DDX4: variants seen among roughly 807,000 people sequenced by gnomAD.
DDX4 encodes the protein probable ATP-dependent RNA helicase DDX4.
Under a neutral mutation model 100.0 loss-of-function variants are expected in DDX4, and 25 were observed. The observed-to-expected ratio is 0.25, with a 90% CI of 0.18 to 0.35. DDX4 has a LOEUF of 0.35. Ranked by LOEUF, DDX4 falls within the 10% of genes least tolerant of loss-of-function variation. The pLI is 1.00. For synonymous variants in DDX4, 259 were observed against 275.7 expected (o/e 0.94, Z 0.60); for missense variants, 635 against 882.4 (o/e 0.72, Z 3.55).
chr5:55,790,108 A>G (rs1003835857), intron 15 of DDX4, among the ~76,000 whole-genome samples: 1 of 148,100 alleles, frequency 6.8e-6, no homozygotes, highest in Non-Finnish European at 1.5e-5. Context: ...AAGTATTGTA[A>G]TTAAAAAAAA....
intron 3 of DDX4, among the ~76,000 whole-genome samples, chr5:55,756,295 C>A (rs1759929686): frequency 6.6e-6 from 1 of 152,110 alleles, no homozygotes; most frequent in African/African-American, 2.4e-5. Flanking sequence ...ACTACTGCAT[C>A]AGAATGTGTG....
intron 7 of DDX4, among the ~76,000 whole-genome samples, chr5:55,774,188 C>T (rs985634646): frequency 5.3e-5 from 8 of 150,538 alleles, no homozygotes; most frequent in South Asian, 4.2e-4. Flanking sequence ...CTCGCTCTGT[C>T]ACCCAGACTC....
In DDX4 at chr5:55,786,551, A is replaced by C. The variant is rs781379194; in HGVS notation, c.898A>C (p.Asn300His). ...AGAAGCTAATCTCTGTCAGACACTG[A>C]ATAACAACATTGCTAAAGCTGGTTA... The part of the protein sequence containing the change: ...FEEANLCQTL[N>H]NNIAKAGYTK... Residue 300 changes from asparagine (N) to histidine (H), a missense_variant, in exon 14 of 22, where the codon AAT becomes CAT. Coordinates refer to ENST00000505374, the MANE Select transcript of DDX4 (RefSeq NM_024415.3). 44 of 1,613,336 alleles carry C rather than the reference A, an allele frequency of 2.7e-5. No homozygotes were observed. In the East Asian group the frequency reaches 9.8e-4, roughly 36 times the overall value.
intron 16 of DDX4, among the ~76,000 whole-genome samples, chr5:55,791,531 G>T (rs568320407): frequency 6.6e-6 from 1 of 152,236 alleles, no homozygotes; most frequent in Admixed American, 6.5e-5. Flanking sequence ...GATTGTTCCC[G>T]AGTGATTAGA....
intron 18 of DDX4, among the ~76,000 whole-genome samples, chr5:55,800,548 T>G (rs539214213): frequency 2.6e-5 from 4 of 152,216 alleles, no homozygotes; most frequent in African/African-American, 9.6e-5. Flanking sequence ...ATGGTCTTGA[T>G]CTCCTGACCT....
chr5:55,782,376 A>G (rs576842883), intron 10 of DDX4: 4 of 177,012 alleles, frequency 2.3e-5, no homozygotes, highest in Admixed American at 5.6e-5. Flanking sequence ...AGGCCTAGGC[A>G]GGCAGATCAG....
rs762159528 is a variant in DDX4 at position 55,815,353 on chromosome 5, T to G, written c.2027T>G (p.Phe676Cys). 6.2e-7 allele frequency: 1 copy of G among 1,613,692 alleles called. No homozygotes were observed. The highest frequency in any genetic ancestry group is 2.2e-5 in the East Asian group (1 of 44,870). The change falls in exon 21 of 22, where the codon TTT becomes TGT. Residue 676 changes from phenylalanine to cysteine, a missense_variant. Phe to Cys is a radical substitution (Grantham distance 205). Around this residue, in one of 4 missense-constraint regions of DDX4, gnomAD observed 73 missense variants for 98.5 expected, o/e 0.74. Transcript: ENST00000505374. ...DVPAWLEEIA[F>C]STYIPGFSGS... is the part of the protein sequence containing the mutation. ...CCTGCATGGTTGGAAGAAATTGCCTTTAGTACATACATTCCTGGCTTCAGT... is the reference window on the plus strand; with the variant it reads ...CCTGCATGGTTGGAAGAAATTGCCTGTAGTACATACATTCCTGGCTTCAGT...
At chr5:55,785,599 A>G (rs529589759) in intron 12 of DDX4, 105 bp downstream of exon 12, 40 of 1,308,322 alleles carry the variant, frequency 3.1e-5, no homozygotes, top group Non-Finnish European at 4.1e-5. Context: ...TGAACAGTGA[A>G]AACTTTAAAG....
intron 3 of DDX4, among the ~76,000 whole-genome samples, chr5:55,754,958 C>T (rs1167816800): frequency 6.6e-6 from 1 of 152,132 alleles, no homozygotes; most frequent in South Asian, 2.1e-4. Context: ...AGTTTATTTG[C>T]ATAGAGGTGT....
At chr5:55,813,609 C>T in intron 18 of DDX4, 64 bp from the exon 19 acceptor site, 1 of 1,476,918 alleles carries the variant, frequency 6.8e-7, no homozygotes, top group South Asian at 1.6e-5. Context: ...TGCCTCCTAT[C>T]CCTGCTTTAT....
chr5:55,786,608 A>C lies in DDX4; in HGVS notation c.955A>C (p.Ile319Leu), dbSNP rs770460359. ...TKLTPVQKYS[I>L]PIILAGRDLM... Reference sequence around the variant, plus strand: ...GCTTACTCCTGTGCAAAAATACAGTATTCCTATCATACTTGCAGGACGAGA... The same window carrying C: ...GCTTACTCCTGTGCAAAAATACAGTCTTCCTATCATACTTGCAGGACGAGA... The change falls in exon 14 of 22, where the codon ATT becomes CTT. Residue 319 changes from isoleucine to leucine, a missense_variant. Around this residue, in one of 4 missense-constraint regions of DDX4, gnomAD observed 446 missense variants for 540.8 expected, o/e 0.82. Coordinates refer to ENST00000505374, the MANE Select transcript of DDX4 (RefSeq NM_024415.3). 1 of 1,612,954 alleles carries C rather than the reference A, an allele frequency of 6.2e-7. No homozygotes were observed. Among genetic ancestry groups the C allele is most frequent in the East Asian group, 2.2e-5 (1 of 44,864 alleles).
chr5:55,813,897 A>C, intron 19 of DDX4, 125 bp downstream of exon 19: 1 of 1,147,678 alleles, frequency 8.7e-7, no homozygotes, highest in Non-Finnish European at 1.1e-6. Flanking sequence ...TCAGATCTAA[A>C]CTGTTATTCT....
At chr5:55,806,925 T>C (rs969092996) in intron 18 of DDX4, among the ~76,000 whole-genome samples, 20 of 152,228 alleles carry the variant, frequency 1.3e-4, no homozygotes, top group African/African-American at 4.3e-4. Context: ...AGTGGGGTGT[T>C]AAAGTGTCCC....
At chr5:55,792,434 A>T (rs1742637356) in intron 16 of DDX4, among the ~76,000 whole-genome samples, 1 of 151,006 alleles carries the variant, frequency 6.6e-6, no homozygotes, top group South Asian at 2.1e-4. Context: ...GATCTTGCTC[A>T]CTGCAAGCTC....
intron 10 of DDX4, among the ~76,000 whole-genome samples, chr5:55,782,614 C>CA (rs922405669): frequency 3.6e-4 from 53 of 147,252 alleles, no homozygotes; most frequent in Non-Finnish European, 6.2e-4. Flanking sequence ...GTTTGTTAAA[C>CA]AAAAAAAAAC....
intron 3 of DDX4, among the ~76,000 whole-genome samples, chr5:55,754,634 C>CT (rs1395669364): frequency 2.0e-5 from 3 of 151,610 alleles, no homozygotes; most frequent in Non-Finnish European, 4.4e-5. Context: ...CTAAAATTAT[C>CT]TTTTTTTGTT....
intron 4 of DDX4, 94 bp downstream of exon 4, chr5:55,760,371 TG>T: frequency 7.9e-7 from 1 of 1,272,444 alleles, no homozygotes; most frequent in Non-Finnish European, 1.0e-6. Context: ...CTAAGTCTGT[TG>T]TAAGTCAGTG....
intron 18 of DDX4, among the ~76,000 whole-genome samples, chr5:55,802,371 A>T (rs187488325): frequency 3.8e-4 from 58 of 152,350 alleles, no homozygotes; most frequent in African/African-American, 1.3e-3. Context: ...TTAAGAGGAA[A>T]AAAGCCTTCT....
chr5:55,776,874 A>G (rs1002403057), intron 7 of DDX4, among the ~76,000 whole-genome samples: 1 of 152,234 alleles, frequency 6.6e-6, no homozygotes, highest in Non-Finnish European at 1.5e-5. Context: ...TTAAATAAGT[A>G]TTGACTATAT....
Sources: gnomAD v4.1 joint callset for allele counts (sites outside exome capture counted in the v4.1 genomes callset) on GRCh38, gnomAD v4.1.1 for gene constraint, gnomAD v4.1.1 regional missense constraint, MANE v1.5 for transcripts, NCBI Gene and HGNC (gene_info 2026-07-23, HGNC 2026-07-21) for gene names.